The following CNST variants were observed in gnomAD, a reference collection of about 807,000 sequenced individuals.
The protein encoded by CNST is consortin, connexin sorting protein.
CNST carries 39 observed loss-of-function variants against 72.4 expected under a neutral mutation model. That is an observed-to-expected ratio of 0.54 (90% CI 0.42 to 0.70). The LOEUF (loss-of-function observed/expected upper bound fraction) is 0.70, where lower values mean the gene tolerates loss of function less well. CNST is among the 30% of genes least tolerant of loss of function. The probability of loss-of-function intolerance (pLI) is 0.00; values close to 1 mark genes in which losing one functional copy is unlikely to be tolerated. For missense variants in CNST, 871 were observed against 868.5 expected (o/e 1.00, Z -0.04); for synonymous variants, 332 against 320.1 (o/e 1.04, Z -0.40).
chr1:246,636,504 T>G lies in CNST; in HGVS notation c.818+1917T>G, dbSNP rs182298530. 2.6e-3 allele frequency among the ~76,000 whole-genome samples: 398 copies of G among 152,248 alleles called. 1 individual carries two copies. The highest frequency in any genetic ancestry group is 9.2e-3 in the African/African-American group (381 of 41,538). On this transcript the variant is annotated intron_variant, in intron 6 of 10. Coordinates refer to ENST00000366513, the MANE Select transcript of CNST (RefSeq NM_152609.3). ...CCTCTCCTAGATCTACAAACCGGTT[T>G]TTTCCTGGCTAGGGAGGGGATACGT...
In CNST at chr1:246,665,735, T is replaced by C. The variant is rs1430090873; in HGVS notation, c.2008T>C (p.Leu670=). The change falls in exon 11 of 11, where the codon TTG becomes CTG. Residue 670 remains leucine (L), a synonymous_variant. Transcript: ENST00000366513. The stretch of plus-strand genomic sequence containing the variant: ...AGGTGGCTCCTGTATTTTGCTGGTC[T>C]TGCTGTGCATAGCAACGGTTTTCCT... ...VGGGSCILLV[L]LCIATVFLSV... 5.0e-6 allele frequency: 8 copies of C among 1,613,366 alleles called. No individual in the cohort carries two copies. The highest frequency in any genetic ancestry group is 6.8e-6 in the Non-Finnish European group (8 of 1,180,048).
intron 8 of CNST, among the ~76,000 whole-genome samples, chr1:246,643,790 A>T (rs1665869386): frequency 6.6e-6 from 1 of 152,194 alleles, no homozygotes; most frequent in African/African-American, 2.4e-5. Context: ...AATGTCAATA[A>T]TGTGGGTGAC....
In CNST at chr1:246,641,060, G is replaced by A. The variant is rs540576994; in HGVS notation, c.819-689G>A. Among the ~76,000 whole-genome samples, 10 of 152,154 alleles carry A rather than the reference G, an allele frequency of 6.6e-5. No individual in the cohort carries two copies. The South Asian group carries it at 2.1e-3, about 32-fold the overall frequency. On this transcript the variant is annotated intron_variant, in intron 6 of 10. Coordinates refer to ENST00000366513, the MANE Select transcript of CNST (RefSeq NM_152609.3). ...CCTGTCCTGTAATTTTATATAAATG[G>A]GATCATGCAGAATATAGATTTTTAT...
chr1:246,606,384 T>C (rs1201547124), intron 2 of CNST: 1 of 152,062 alleles, frequency 6.6e-6, no homozygotes, highest in African/African-American at 2.4e-5. Context: ...TTCTGATGTT[T>C]GAAGCGATTT....
chr1:246,634,943 A>G (rs2103103984), intron 6 of CNST, among the ~76,000 whole-genome samples: 1 of 37,408 alleles, frequency 2.7e-5, no homozygotes, highest in East Asian at 1.5e-3. Flanking sequence ...CTCTCTGTCT[A>G]TCCTCGGTGG....
At chr1:246,639,635 C>G (rs541831266) in intron 6 of CNST, among the ~76,000 whole-genome samples, 1 of 152,120 alleles carries the variant, frequency 6.6e-6, no homozygotes, top group African/African-American at 2.4e-5. Flanking sequence ...AGCAGATCAT[C>G]AACATATTGA....
At chr1:246,587,035 A>G (rs910884762) in intron 1 of CNST, among the ~76,000 whole-genome samples, 1 of 152,228 alleles carries the variant, frequency 6.6e-6, no homozygotes, top group Non-Finnish European at 1.5e-5. Context: ...GTTTACTTCT[A>G]TAAAAAATGG....
rs191381902 is a variant in CNST, at chr1:246,610,770, C to T, written c.380-10659C>T. ...CTTGCACTAAGTTGATGGGTCTTCT[C>T]TGGCCCTTTCTAAGCGTGCGTCGTG... On this transcript the variant is annotated intron_variant, in intron 2 of 10. Transcript: ENST00000366513. Among the ~76,000 whole-genome samples, 10 of 152,150 alleles carry T rather than the reference C, an allele frequency of 6.6e-5. No homozygotes were observed. The East Asian group carries it at 1.7e-3, about 26-fold the overall frequency.
At chr1:246,616,953 C>T (rs115010625) in intron 2 of CNST, among the ~76,000 whole-genome samples, 2,103 of 151,678 alleles carry the variant, frequency 0.014, 50 homozygotes, top group African/African-American at 0.047. Context: ...CTAAAATTTC[C>T]GTGTTACATC....
At chr1:246,616,708 C>T (rs1663723817) in intron 2 of CNST, among the ~76,000 whole-genome samples, 1 of 152,118 alleles carries the variant, frequency 6.6e-6, no homozygotes, top group South Asian at 2.1e-4. Context: ...ACATACGCCA[C>T]CACGCCCGGC....
At chr1:246,634,657 T>C in intron 6 of CNST, 70 bp downstream of exon 6, 2 of 792,370 alleles carry the variant, frequency 2.5e-6, no homozygotes, top group Non-Finnish European at 4.2e-6. Flanking sequence ...GCATTGAGTA[T>C]CCATTTCTTT....
intron 2 of CNST, among the ~76,000 whole-genome samples, chr1:246,615,049 A>G (rs1474165754): frequency 6.6e-6 from 1 of 152,258 alleles, no homozygotes; most frequent in Non-Finnish European, 1.5e-5. Context: ...TATCAGAGAT[A>G]GATTCTAAGC....
chr1:246,600,364 T>C (rs1349317643), intron 2 of CNST, among the ~76,000 whole-genome samples: 4 of 152,224 alleles, frequency 2.6e-5, no homozygotes, highest in African/African-American at 9.6e-5. Flanking sequence ...AATAAGGGAA[T>C]TGCATTTTTT....
chr1:246,586,111 A>ATGTGTG (rs113258007), intron 1 of CNST, among the ~76,000 whole-genome samples: 2,084 of 102,620 alleles, frequency 0.02, 61 homozygotes, highest in African/African-American at 0.076. Context: ...ATATATATAT[A>ATGTGTG]TGTGTGTGTG....
chr1:246,640,983 C>T (rs556292485), intron 6 of CNST, among the ~76,000 whole-genome samples: 2 of 152,292 alleles, frequency 1.3e-5, no homozygotes, highest in South Asian at 2.1e-4. Flanking sequence ...CTGCCAACTT[C>T]GTACCCACCC....
At chr1:246,639,548 G>A (rs1326748529) in intron 6 of CNST, among the ~76,000 whole-genome samples, 2 of 152,044 alleles carry the variant, frequency 1.3e-5, no homozygotes, top group African/African-American at 2.4e-5. Context: ...GGGGAGACCC[G>A]ATACCCCCAC....
Position 246,621,439 on chromosome 1 carries a change from A to G in CNST, c.390A>G (p.Ser130=). The stretch of plus-strand genomic sequence containing the variant: ...CTTTACTTCTTAAAGGACTTTTTTC[A>G]GGAGATATTGCACCTTTAATGCAAG... The part of the protein sequence containing the change: ...TAKKIPPGLF[S]GDIAPLMQEK... The change falls in exon 3 of 11, where the codon TCA becomes TCG. Residue 130 remains serine, a synonymous_variant. Transcript: ENST00000366513. The G allele has an allele frequency of 6.2e-7, 1 of 1,612,812 alleles. No homozygotes were observed. Among genetic ancestry groups the G allele is most frequent in the Non-Finnish European group, 8.5e-7 (1 of 1,179,198 alleles).
Position 246,647,546 on chromosome 1 carries a change from G to A in CNST, c.1345G>A (p.Glu449Lys), listed in dbSNP as rs145092607. 1.2e-6 allele frequency: 2 copies of A among 1,614,190 alleles called. No individual in the cohort carries two copies. The highest frequency in any genetic ancestry group is 1.7e-5 in the Admixed American group (1 of 60,022). ...CCGTATACCTCCTGCATTGATTTCTGAGGGTAAATATTCACAGGCTCAGAG... is the reference window on the plus strand; with the variant it reads ...CCGTATACCTCCTGCATTGATTTCTAAGGGTAAATATTCACAGGCTCAGAG... ...CDRIPPALIS[E>K]GKYSQAQRKE... Residue 449 changes from glutamate (E) to lysine (K), a missense_variant, in exon 9 of 11, where the codon GAG becomes AAG. By Grantham distance (56) the Glu-to-Lys change is moderately conservative. Transcript: ENST00000366513.
At chr1:246,662,294 C>A (rs1480498214) in intron 10 of CNST, among the ~76,000 whole-genome samples, 3 of 152,184 alleles carry the variant, frequency 2.0e-5, no homozygotes, top group Non-Finnish European at 4.4e-5. Context: ...CCAATGCTAT[C>A]CCCTGGAAAT....
Sources: allele counts gnomAD v4.1 joint callset (sites outside exome capture counted in the v4.1 genomes callset), GRCh38; gene constraint gnomAD v4.1.1; transcripts MANE v1.5; gene names NCBI Gene and HGNC (gene_info 2026-07-23, HGNC 2026-07-21).